The following PDE4D variants were observed in gnomAD, a reference collection of about 807,000 sequenced individuals.
PDE4D encodes 3',5'-cyclic-AMP phosphodiesterase 4D.
PDE4D carries 24 observed loss-of-function variants against 87.4 expected under a neutral mutation model. That is an observed-to-expected ratio of 0.27 (90% confidence interval 0.20 to 0.39). The LOEUF (loss-of-function observed/expected upper bound fraction) is 0.39. Ranked by LOEUF, PDE4D falls within the 10% of genes least tolerant of loss-of-function variation. PDE4D has a pLI of 1.00. For missense variants in PDE4D, 714 were observed against 1,041.0 expected, an observed-to-expected ratio of 0.69 and a Z score of 4.32; for synonymous variants, 384 against 383.2, an observed-to-expected ratio of 1.00 and a Z score of -0.02.
At chr5:59,818,748 G>A (rs924123756) in intron 1 of PDE4D, among the ~76,000 whole-genome samples, 5 of 152,042 alleles carry the variant, frequency 3.3e-5, no homozygotes, top group African/African-American at 1.2e-4. Context: ...AACATGTTCA[G>A]GCTCCCTCAC....
At chr5:59,686,235 G>T (rs919707763) in intron 1 of PDE4D, among the ~76,000 whole-genome samples, 1 of 152,100 alleles carries the variant, frequency 6.6e-6, no homozygotes, top group East Asian at 1.9e-4. Context: ...ATCTATTGAG[G>T]GATTACTTGC....
At position 59,594,812 on chromosome 5, in the gene PDE4D, AT is replaced by A. The variant is rs1161849112; in HGVS notation, c.455+298355del. Among the ~76,000 whole-genome samples, 6 of 152,354 alleles carry A rather than the reference AT, an allele frequency of 3.9e-5. No homozygotes were observed. The South Asian group carries it at 1.0e-3, about 26-fold the overall frequency. On this transcript the variant is annotated intron_variant, in intron 1 of 14. Coordinates refer to ENST00000340635, the MANE Select transcript of PDE4D (RefSeq NM_001104631.2). ...ATACAAAAATGGAAGATATACATCAATATAAATTTGTGCAAACCCATAGAAT... is the reference window on the plus strand; with the variant it reads ...ATACAAAAATGGAAGATATACATCAAATAAATTTGTGCAAACCCATAGAAT...
chr5:59,687,982 G>A (rs538886776), intron 1 of PDE4D, among the ~76,000 whole-genome samples: 141 of 152,058 alleles, frequency 9.3e-4, no homozygotes, highest in African/African-American at 2.9e-3. Flanking sequence ...AGGCCATTAC[G>A]TAATGGTAAA....
intron 1 of PDE4D, among the ~76,000 whole-genome samples, chr5:59,811,021 G>T (rs1420639863): frequency 6.6e-6 from 1 of 152,188 alleles, no homozygotes. Context: ...CTGGACAAAG[G>T]TATAAAGGAG....
intron 4 of PDE4D, among the ~76,000 whole-genome samples, chr5:59,184,948 G>A (rs979226849): frequency 3.3e-5 from 5 of 152,138 alleles, no homozygotes; most frequent in African/African-American, 1.2e-4. Flanking sequence ...GACTGATCAT[G>A]CCAGGTGATT....
At position 58,973,468 on chromosome 5, in the gene PDE4D, C is replaced by T. The variant is rs1742976827; in HGVS notation, c.*1196G>A. The T allele has an allele frequency of 6.6e-6, 1 of 152,284 alleles. No individual in the cohort carries two copies. Among genetic ancestry groups the T allele is most frequent in the African/African-American group, 2.4e-5 (1 of 41,338 alleles). The allele number at this position is 152,284 out of a possible 1,614,324, so 9.4% of individuals were successfully genotyped here. A position where few individuals can be genotyped will look rare whatever the true frequency, so the allele number is the denominator to read the frequency against. ...GCATGAAATGTGTGGATTATTAGAG[C>T]ATGAAATGTGTGGATTATTAGAAAG... On this transcript the variant is annotated 3_prime_UTR_variant, in exon 15 of 15. Coordinates refer to ENST00000340635, the MANE Select transcript of PDE4D (RefSeq NM_001104631.2).
At chr5:59,502,643 A>G (rs1808494272) in intron 1 of PDE4D, among the ~76,000 whole-genome samples, 1 of 136,886 alleles carries the variant, frequency 7.3e-6, no homozygotes, top group African/African-American at 2.8e-5. Flanking sequence ...CACTCAGATA[A>G]TTTCTTTATT....
chr5:59,851,659 T>C (rs141817120), intron 1 of PDE4D, among the ~76,000 whole-genome samples: 14 of 152,206 alleles, frequency 9.2e-5, no homozygotes, highest in African/African-American at 3.4e-4. Flanking sequence ...TATAATCATA[T>C]AAAACCTTTA....
At chr5:59,461,714 G>A (rs1406504174) in intron 1 of PDE4D, among the ~76,000 whole-genome samples, 1 of 152,020 alleles carries the variant, frequency 6.6e-6, no homozygotes, top group Non-Finnish European at 1.5e-5. Flanking sequence ...ACTAATCATT[G>A]CCTCAAAGAA....
At chr5:60,064,587 C>A (rs1387187655) in intron 2 of PDE4D, among the ~76,000 whole-genome samples, 1 of 152,140 alleles carries the variant, frequency 6.6e-6, no homozygotes, top group Non-Finnish European at 1.5e-5. Context: ...AAACTTCAAG[C>A]TTGTTCATTT....
chr5:59,459,404 T>A (rs1313285290), intron 1 of PDE4D, among the ~76,000 whole-genome samples: 1 of 152,200 alleles, frequency 6.6e-6, no homozygotes, highest in Non-Finnish European at 1.5e-5. Context: ...ATTCTATACA[T>A]TTTGGCTTCA....
intron 1 of PDE4D, among the ~76,000 whole-genome samples, chr5:60,406,003 A>G (rs756690235): frequency 6.6e-6 from 1 of 151,542 alleles, no homozygotes; most frequent in Non-Finnish European, 1.5e-5. Context: ...TCTCTGTGCA[A>G]TAGATCATCT....
intron 2 of PDE4D, among the ~76,000 whole-genome samples, chr5:60,050,150 T>C (rs1769930155): frequency 6.6e-6 from 1 of 152,150 alleles, no homozygotes; most frequent in African/African-American, 2.4e-5. Flanking sequence ...GTCACCCCTT[T>C]CTTTGACTAG....
chr5:59,994,874 T>G (rs1467293110), intron 2 of PDE4D, among the ~76,000 whole-genome samples: 21 of 152,208 alleles, frequency 1.4e-4, no homozygotes, highest in Admixed American at 1.4e-3. Flanking sequence ...CCTATTAATT[T>G]CCCAATTAAT....
At chr5:59,910,396 T>C (rs1225228952) in intron 3 of PDE4D, among the ~76,000 whole-genome samples, 3 of 152,236 alleles carry the variant, frequency 2.0e-5, no homozygotes, top group Admixed American at 1.3e-4. Flanking sequence ...TTGCACATCG[T>C]CTACTTTAAC....
intron 2 of PDE4D, among the ~76,000 whole-genome samples, chr5:60,161,566 A>ATCTGT (rs1782477911): frequency 1.3e-5 from 2 of 152,098 alleles, no homozygotes; most frequent in Admixed American, 6.6e-5. Flanking sequence ...AATAACAGTG[A>ATCTGT]TATTCTGGAT....
chr5:59,743,436 G>A (rs1365026049), intron 1 of PDE4D, among the ~76,000 whole-genome samples: 1 of 152,038 alleles, frequency 6.6e-6, no homozygotes, highest in African/African-American at 2.4e-5. Flanking sequence ...TACATGAAAA[G>A]CTGCTCAACA....
intron 1 of PDE4D, among the ~76,000 whole-genome samples, chr5:59,592,661 GC>G (rs1278817196): frequency 6.6e-6 from 1 of 151,898 alleles, no homozygotes; most frequent in Non-Finnish European, 1.5e-5. Context: ...TATTTAGAAT[GC>G]TTGTTAAATT....
intron 11 of PDE4D, 23 bp from the exon 12 acceptor site, chr5:58,977,368 A>T: frequency 6.3e-7 from 1 of 1,590,738 alleles, no homozygotes; most frequent in Non-Finnish European, 8.5e-7. Context: ...CAAAAGGCCA[A>T]AGATCAGCAA....
Sources: gnomAD v4.1 joint callset for allele counts (sites outside exome capture counted in the v4.1 genomes callset) on GRCh38, gnomAD v4.1.1 for gene constraint, MANE v1.5 for transcripts, NCBI Gene and HGNC (gene_info 2026-07-23, HGNC 2026-07-21) for gene names.